DENND4A: variants seen among roughly 807,000 people sequenced by gnomAD.
DENND4A encodes DENN domain containing 4A, also known as C-myc promoter-binding protein.
Under a neutral mutation model 199.3 loss-of-function variants are expected in DENND4A, and 70 were observed. The observed-to-expected ratio is 0.35, with a 90% CI of 0.29 to 0.43. The LOEUF is 0.43. Ranked by LOEUF, DENND4A falls within the 20% of genes least tolerant of loss-of-function variation. The probability of loss-of-function intolerance (pLI) is 1.00; values close to 1 mark genes in which losing one functional copy is unlikely to be tolerated. For synonymous variants in DENND4A, 686 were observed against 766.9 expected (o/e 0.89, Z 1.74); for missense variants, 1,723 against 2,255.8 (o/e 0.76, Z 4.78).
At chr15:65,791,579 G>A (rs567517376) in intron 1 of DENND4A, among the ~76,000 whole-genome samples, 2 of 152,124 alleles carry the variant, frequency 1.3e-5, no homozygotes, top group South Asian at 4.1e-4. Context: ...AAGTGGGCCT[G>A]CAGGCACCCC....
intron 12 of DENND4A, 87 bp downstream of exon 12, chr15:65,722,760 TA>T: frequency 9.6e-7 from 1 of 1,037,198 alleles, no homozygotes; most frequent in Non-Finnish European, 1.3e-6. Context: ...TTCTGCTAGA[TA>T]AACATTATTC....
chr15:65,752,766 G>C (rs933966092), intron 3 of DENND4A, 138 bp from the exon 4 acceptor site: 1 of 591,464 alleles, frequency 1.7e-6, no homozygotes, highest in East Asian at 3.2e-5. Flanking sequence ...TAAAATGCAC[G>C]GTCTTGTATG....
Position 65,691,454 on chromosome 15 carries a change from T to C in DENND4A, c.3140A>G (p.Asn1047Ser). 6.2e-7 allele frequency: 1 copy of C among 1,612,822 alleles called. No homozygotes were observed. Among genetic ancestry groups the C allele is most frequent in the East Asian group, 2.2e-5 (1 of 44,862 alleles). Residue 1047 changes from asparagine (N) to serine (S), a missense_variant, in exon 23 of 33, where the codon AAC becomes AGC. By Grantham distance (46) the Asn-to-Ser change is conservative. This residue lies in a region of DENND4A where 650 missense variants were observed against 738.1 expected (regional missense o/e 0.88). Coordinates refer to ENST00000443035, the MANE Select transcript of DENND4A (RefSeq NM_001320835.1). ...TTTCCTGAAGCATCTACTTTGAATG[T>C]TTCGTGTTTCATTTGTATCTTCAAG... ...SSLEDTNETR[N>S]IQSRCFRKRH...
chr15:65,710,618 A>G (rs1377348346), intron 14 of DENND4A, among the ~76,000 whole-genome samples: 2 of 152,242 alleles, frequency 1.3e-5, no homozygotes, highest in Admixed American at 1.3e-4. Flanking sequence ...ATAAAAAAGA[A>G]TGTAGAGGAA....
chr15:65,711,478 G>C (rs2075248797), intron 14 of DENND4A, among the ~76,000 whole-genome samples: 1 of 152,158 alleles, frequency 6.6e-6, no homozygotes, highest in African/African-American at 2.4e-5. Flanking sequence ...GGGTGACAGA[G>C]AGAGGCCCTG....
At chr15:65,731,256 A>T (rs1368341158) in intron 9 of DENND4A, among the ~76,000 whole-genome samples, 1 of 152,036 alleles carries the variant, frequency 6.6e-6, no homozygotes, top group African/African-American at 2.4e-5. Flanking sequence ...TAATAATTAG[A>T]ACTATTTTTT....
In DENND4A at chr15:65,742,774, T is replaced by C. The variant is rs568075777; in HGVS notation, c.562-990A>G. Among the ~76,000 whole-genome samples, 484 of 152,324 alleles carry C rather than the reference T, an allele frequency of 3.2e-3. 30 individuals carry two copies. The South Asian group carries it at 0.098, about 31-fold the overall frequency. ...CTTAAGATTATTTATCATTACATGC[T>C]ATATTTGTTTGTTTATTGTCTTTCT... On this transcript the variant is annotated intron_variant, in intron 4 of 32. Coordinates refer to ENST00000443035, the MANE Select transcript of DENND4A (RefSeq NM_001320835.1).
intron 11 of DENND4A, among the ~76,000 whole-genome samples, chr15:65,724,373 T>A (rs28727558): frequency 0.22 from 29,960 of 138,138 alleles, 3,967 homozygotes; most frequent in East Asian, 0.74. Context: ...TCTACTTTTT[T>A]TTGAATCGTT....
At chr15:65,672,494 G>A (rs189999708) in intron 24 of DENND4A, among the ~76,000 whole-genome samples, 1 of 152,084 alleles carries the variant, frequency 6.6e-6, no homozygotes, top group Non-Finnish European at 1.5e-5. Flanking sequence ...AGCTGGACGT[G>A]GTGGTGTGTG....
chr15:65,659,558 G>GA lies in DENND4A; in HGVS notation c.*2292dup, dbSNP rs1216716472. 1 of 151,910 alleles carries GA rather than the reference G, an allele frequency of 6.6e-6. No individual in the cohort carries two copies. Among genetic ancestry groups the GA allele is most frequent in the South Asian group, 2.1e-4 (1 of 4,800 alleles). 9.4% of individuals were successfully genotyped at this position (151,910 alleles called of 1,614,324 possible). On this transcript the variant is annotated 3_prime_UTR_variant, in exon 33 of 33. Transcript: ENST00000443035. ...TCTCTATGTTGCTCAGGCTGGTTTT[G>GA]AACTCCTGGACTCAAGCAATCCTCC...
intron 32 of DENND4A, among the ~76,000 whole-genome samples, chr15:65,662,706 G>A (rs569887416): frequency 6.6e-6 from 1 of 152,114 alleles, no homozygotes; most frequent in East Asian, 1.9e-4. Flanking sequence ...GCCCCTCAGA[G>A]AGCCAAATGG....
chr15:65,739,955 C>G (rs1296429406), intron 5 of DENND4A, among the ~76,000 whole-genome samples: 1 of 151,614 alleles, frequency 6.6e-6, no homozygotes, highest in Non-Finnish European at 1.5e-5. Flanking sequence ...CCGAGGCGGA[C>G]AGATTGCCTG....
intron 5 of DENND4A, 50 bp downstream of exon 5, chr15:65,741,665 G>T: frequency 6.7e-7 from 1 of 1,502,048 alleles, no homozygotes; most frequent in Non-Finnish European, 9.2e-7. Context: ...ACCTTTCCGG[G>T]CCCTATAATA....
In DENND4A at chr15:65,738,951, C is replaced by T. The variant is rs760684019; in HGVS notation, c.632-76G>A. On this transcript the variant is annotated intron_variant, in intron 5 of 32. Coordinates refer to ENST00000443035, the MANE Select transcript of DENND4A (RefSeq NM_001320835.1). ...TTATTATTTCAATGATGATAAAATG[C>T]TTTGTTATTTCACACATTTGGAATG... The T allele has an allele frequency of 2.6e-6, 3 of 1,157,392 alleles. No individual in the cohort carries two copies. The African/African-American group carries it at 4.7e-5, about 18-fold the overall frequency. 71.7% of individuals were successfully genotyped at this position (1,157,392 alleles called of 1,614,324 possible). A position where few individuals can be genotyped will look rare whatever the true frequency, so the allele number is the denominator to read the frequency against.
intron 1 of DENND4A, among the ~76,000 whole-genome samples, chr15:65,773,553 G>A (rs1596673087): frequency 6.6e-6 from 1 of 152,134 alleles, no homozygotes; most frequent in African/African-American, 2.4e-5. Context: ...GATGGAAGGG[G>A]ATTCCACATG....
At chr15:65,689,395 G>A (rs1190894272) in intron 23 of DENND4A, among the ~76,000 whole-genome samples, 1 of 152,122 alleles carries the variant, frequency 6.6e-6, no homozygotes, top group Non-Finnish European at 1.5e-5. Flanking sequence ...GATAGACATT[G>A]TATATTAAAA....
At chr15:65,686,522 T>C (rs780555726) in intron 23 of DENND4A, among the ~76,000 whole-genome samples, 3 of 152,208 alleles carry the variant, frequency 2.0e-5, no homozygotes, top group Non-Finnish European at 2.9e-5. Flanking sequence ...ATTTAGTGAA[T>C]ATACATGGAT....
At chr15:65,791,530 C>G (rs934120981) in intron 1 of DENND4A, among the ~76,000 whole-genome samples, 15 of 151,820 alleles carry the variant, frequency 9.9e-5, no homozygotes, top group African/African-American at 3.4e-4. Flanking sequence ...AGAACCCGTG[C>G]CCGCGGGCCG....
At chr15:65,693,077 A>G (rs574702105) in intron 22 of DENND4A, among the ~76,000 whole-genome samples, 9 of 152,180 alleles carry the variant, frequency 5.9e-5, no homozygotes, top group Non-Finnish European at 1.0e-4. Flanking sequence ...CTTTTACAAA[A>G]AAGTTTGCCT....
Sources: allele counts gnomAD v4.1 joint callset (sites outside exome capture counted in the v4.1 genomes callset), GRCh38; gene constraint gnomAD v4.1.1; regional missense constraint gnomAD v4.1.1; transcripts MANE v1.5; gene names NCBI Gene and HGNC (gene_info 2026-07-23, HGNC 2026-07-21).